Variants in TENM1 observed in about 807,000 individuals in gnomAD.
TENM1 encodes the protein teneurin transmembrane protein 1.
In TENM1, 35 loss-of-function variants were observed where a neutral mutation model predicts 174.8. The observed-to-expected ratio is 0.20, with a 90% CI of 0.15 to 0.27. TENM1 has a LOEUF of 0.27. Ranked by LOEUF, TENM1 falls within the 10% of genes least tolerant of loss-of-function variation. The pLI is 1.00. For missense variants in TENM1, 1,633 were observed against 2,130.1 expected (o/e 0.77, Z 4.59); for synonymous variants, 781 against 798.7 (o/e 0.98, Z 0.37).
At chrX:124,633,992 C>A (rs1343591014) in intron 11 of TENM1, among the ~76,000 whole-genome samples, 1 of 111,913 alleles carries the variant, frequency 8.9e-6, no homozygotes, top group South Asian at 3.7e-4. Flanking sequence ...TATGCAGATG[C>A]TTGTTTTATT....
intron 14 of TENM1, among the ~76,000 whole-genome samples, chrX:124,551,530 A>C (rs866150745): frequency 1.8e-4 from 18 of 97,885 alleles, no homozygotes; most frequent in Non-Finnish European, 3.8e-4. Flanking sequence ...ACACACACCC[A>C]CACACACACA....
chrX:124,847,257 T>C (rs1469613174), intron 3 of TENM1, among the ~76,000 whole-genome samples: 1 of 111,805 alleles, frequency 8.9e-6, no homozygotes, highest in African/African-American at 3.2e-5. Context: ...AACTAGGGCT[T>C]CACTATAACA....
Position 124,384,504 on chromosome X carries a change from A to G in TENM1, c.6427T>C (p.Cys2143Arg), listed in dbSNP as rs1441135042. The G allele has an allele frequency of 8.3e-7, 1 of 1,208,976 alleles. No homozygotes were observed. The highest frequency in any genetic ancestry group is 3.0e-5 in the East Asian group (1 of 33,747). ...GCATCTACTCCTACCCTTATGTCACATATTACCATGCGGCCCACATTATCA... is the reference window on the plus strand; with the variant it reads ...GCATCTACTCCTACCCTTATGTCACGTATTACCATGCGGCCCACATTATCA... Residue 2143 changes from cysteine (C) to arginine (R), a missense_variant, in exon 30 of 32, where the codon TGT (cysteine) becomes CGT (arginine). Physicochemically the swap from Cys to Arg is radical, Grantham distance 180. Around this residue, in one of 4 missense-constraint regions of TENM1, gnomAD observed 807 missense variants for 1,125.3 expected, o/e 0.72. Transcript: ENST00000422452.
chrX:125,159,012 A>G, the TENM1 span, among the ~76,000 whole-genome samples: 8 of 111,261 alleles, frequency 7.2e-5, no homozygotes, highest in African/African-American at 2.6e-4. Context: ...ATAGCAGAGT[A>G]AAGGCAGAAA....
chrX:124,768,209 C>T (rs1422849811), intron 3 of TENM1, among the ~76,000 whole-genome samples: 1 of 112,021 alleles, frequency 8.9e-6, no homozygotes, highest in Non-Finnish European at 1.9e-5. Flanking sequence ...TATTAGAAAA[C>T]CATCTGTCTG....
intron 16 of TENM1, 32 bp downstream of exon 19, chrX:124,529,832 C>T (rs1409435217): frequency 1.7e-6 from 2 of 1,210,234 alleles, no homozygotes; most frequent in Non-Finnish European, 2.2e-6. Flanking sequence ...AGTAATTGGC[C>T]CCCACAATGA....
chrX:124,861,223 T>C (rs910724120), intron 3 of TENM1, among the ~76,000 whole-genome samples: 3 of 112,241 alleles, frequency 2.7e-5, no homozygotes, highest in Non-Finnish European at 3.8e-5. Context: ...TAGCATTGTC[T>C]GTCTACCTTC....
At chrX:124,895,190 C>T (rs2057542817) in intron 2 of TENM1, among the ~76,000 whole-genome samples, 1 of 111,346 alleles carries the variant, frequency 9.0e-6, no homozygotes, top group African/African-American at 3.3e-5. Context: ...CTAATTACCA[C>T]TGTTAACAGA....
chrX:124,824,080 A>C (rs1429777501), intron 3 of TENM1, among the ~76,000 whole-genome samples: 3 of 111,393 alleles, frequency 2.7e-5, no homozygotes, highest in Non-Finnish European at 5.7e-5. Context: ...TCCTTTCTTT[A>C]TTTGTCTTCA....
At chrX:124,826,153 T>C (rs1219283127) in intron 3 of TENM1, among the ~76,000 whole-genome samples, 4 of 111,502 alleles carry the variant, frequency 3.6e-5, no homozygotes, top group African/African-American at 9.8e-5. Context: ...CTCAAAACTG[T>C]AATCCCAGCA....
At chrX:124,917,707 T>A (rs2057949886) in intron 1 of TENM1, among the ~76,000 whole-genome samples, 1 of 111,949 alleles carries the variant, frequency 8.9e-6, no homozygotes, top group African/African-American at 3.3e-5. Context: ...TGCTAGCTGG[T>A]CATTCCCTTT....
the TENM1 span, among the ~76,000 whole-genome samples, chrX:125,053,752 C>T: frequency 9.0e-6 from 1 of 111,390 alleles, no homozygotes; most frequent in Non-Finnish European, 1.9e-5. Context: ...TTTCATGTAT[C>T]GGCTGATGTA....
chrX:125,010,584 A>G, the TENM1 span, among the ~76,000 whole-genome samples: 4 of 109,289 alleles, frequency 3.7e-5, no homozygotes, highest in South Asian at 4.0e-4. Flanking sequence ...GGAGGCCGAG[A>G]CGGGCGGATC....
chrX:125,016,145 T>C, the TENM1 span, among the ~76,000 whole-genome samples: 1 of 111,558 alleles, frequency 9.0e-6, no homozygotes, highest in Non-Finnish European at 1.9e-5. Context: ...AGGGCAGATG[T>C]GTGTGAAGAA....
At chrX:125,121,843 C>T in the TENM1 span, among the ~76,000 whole-genome samples, 1 of 112,336 alleles carries the variant, frequency 8.9e-6, no homozygotes, top group African/African-American at 3.2e-5. Context: ...GATGCCAAGG[C>T]AGGAGGATCA....
intron 3 of TENM1, among the ~76,000 whole-genome samples, chrX:124,815,582 A>T (rs2055878027): frequency 8.9e-6 from 1 of 111,771 alleles, no homozygotes; most frequent in Non-Finnish European, 1.9e-5. Flanking sequence ...CAGAAGCAAA[A>T]CAGATTCTAT....
intron 11 of TENM1, among the ~76,000 whole-genome samples, chrX:124,572,639 A>C (rs2049081057): frequency 8.9e-6 from 1 of 111,798 alleles, no homozygotes; most frequent in Admixed American, 9.5e-5. Context: ...AGGAAGAGGT[A>C]AAATTGAACA....
the TENM1 span, among the ~76,000 whole-genome samples, chrX:125,159,506 T>C: frequency 8.9e-6 from 1 of 112,082 alleles, no homozygotes; most frequent in African/African-American, 3.2e-5. Flanking sequence ...TCAGCCCAGA[T>C]GAATTTTAAG....
intron 1 of TENM1, among the ~76,000 whole-genome samples, chrX:124,919,587 T>C (rs1234764534): frequency 9.0e-6 from 1 of 111,291 alleles, no homozygotes. Flanking sequence ...GACGGTCATC[T>C]AGTAGGGAAG....
Sources: gnomAD v4.1 joint callset for allele counts (sites outside exome capture counted in the v4.1 genomes callset) on GRCh38, gnomAD v4.1.1 for gene constraint, gnomAD v4.1.1 regional missense constraint, MANE v1.5 for transcripts, NCBI Gene and HGNC (gene_info 2026-07-23, HGNC 2026-07-21) for gene names.